Variants in AGO4 observed in about 807,000 individuals in gnomAD.
The protein encoded by AGO4 is argonaute RISC component 4.
Under a neutral mutation model 104.7 loss-of-function variants are expected in AGO4, and 33 were observed. The ratio of observed to expected loss-of-function variants is 0.32; its 90% confidence interval spans 0.24 to 0.42. The LOEUF is 0.42. Ranked by LOEUF, AGO4 falls within the 10% of genes least tolerant of loss-of-function variation. The probability of loss-of-function intolerance (pLI) is 1.00; values close to 1 mark genes in which losing one functional copy is unlikely to be tolerated. For missense variants in AGO4, 711 were observed against 1,083.4 expected (o/e 0.66, Z 4.83); for synonymous variants, 331 against 364.7 (o/e 0.91, Z 1.05).
intron 15 of AGO4, among the ~76,000 whole-genome samples, chr1:35,847,154 C>T (rs1644590810): frequency 6.6e-6 from 1 of 151,658 alleles, no homozygotes; most frequent in Non-Finnish European, 1.5e-5. Context: ...ATAAAATACA[C>T]TAACCATAGC....
At position 35,857,428 on chromosome 1, in the gene AGO4, G is replaced by A. The variant is rs1269059966; in HGVS notation, c.*3823G>A. 1 of 152,160 alleles carries A rather than the reference G, an allele frequency of 6.6e-6. No individual in the cohort carries two copies. The highest frequency in any genetic ancestry group is 1.5e-5 in the Non-Finnish European group (1 of 68,028). 9.4% of individuals were successfully genotyped at this position (152,160 alleles called of 1,614,324 possible). A position where few individuals can be genotyped will look rare whatever the true frequency, so the allele number is the denominator to read the frequency against. On this transcript the variant is annotated 3_prime_UTR_variant, in exon 18 of 18. Transcript: ENST00000373210. The stretch of plus-strand genomic sequence containing the variant: ...TTTGCATTTGTTCATTTGACTAATG[G>A]TGTGATTTTTGTTTCTATATTATTA...
chr1:35,850,991 A>C lies in AGO4; in HGVS notation c.2415A>C (p.Ala805=). The C allele has an allele frequency of 6.2e-7, 1 of 1,614,058 alleles. No individual in the cohort carries two copies. The highest frequency in any genetic ancestry group is 8.5e-7 in the Non-Finnish European group (1 of 1,180,010). ...CTRSVSIPAP[A]YYARLVAFRA... ...GCTCAGTCTCTATTCCAGCCCCTGC[A>C]TATTATGCCCGGCTTGTAGCATTTA... Residue 805 remains alanine (A), a synonymous_variant, in exon 17 of 18, where the codon GCA becomes GCC. Transcript: ENST00000373210.
chr1:35,841,449 G>A lies in AGO4; in HGVS notation c.2009G>A (p.Arg670His), dbSNP rs1231795511. The change falls in exon 14 of 18, where the codon CGT (arginine) becomes CAT (histidine). Residue 670 changes from arginine to histidine, a missense_variant. This residue lies in a region of AGO4 where 401 missense variants were observed against 665.5 expected (regional missense o/e 0.60). Transcript: ENST00000373210. The surrounding 1 kb of genome is among the most constrained non-coding windows in gnomAD (Gnocchi z 4.7). ...AAACCCACTCGGATCATCTATTACCGTGGAGGGGTATCTGAGGGACAAATG... is the reference window on the plus strand; with the variant it reads ...AAACCCACTCGGATCATCTATTACCATGGAGGGGTATCTGAGGGACAAATG... ...RFKPTRIIYY[R>H]GGVSEGQMKQ... The A allele has an allele frequency of 4.3e-6, 7 of 1,613,524 alleles. No homozygotes were observed. The highest frequency in any genetic ancestry group is 5.9e-6 in the Non-Finnish European group (7 of 1,179,484).
chr1:35,853,691 C>CCTGAA lies in AGO4; in HGVS notation c.*86_*87insCTGAA. ...TGCCTACCGCCTCTAGATCGAGCCA[C>CCTGAA]GTTGACTTCAGGTGGTCTTCTACCA... On this transcript the variant is annotated 3_prime_UTR_variant, in exon 18 of 18. Coordinates refer to ENST00000373210, the MANE Select transcript of AGO4 (RefSeq NM_017629.4). 8.9e-7 allele frequency: 1 copy of CCTGAA among 1,128,638 alleles called. No individual in the cohort carries two copies. Among genetic ancestry groups the CCTGAA allele is most frequent in the Non-Finnish European group, 1.3e-6 (1 of 766,252 alleles). The allele number at this position is 1,128,638 out of a possible 1,614,324, so 69.9% of individuals were successfully genotyped here.
In AGO4 at chr1:35,825,295, A is replaced by ATTGTGTT. The variant is rs776513240; in HGVS notation, c.307-17_307-16insTGTGTTT. On this transcript the variant is annotated splice_polypyrimidine_tract_variant and intron_variant, in intron 3 of 17. Transcript: ENST00000373210. ...ATTGTAAACATTTGTGTTTGTATTC[A>ATTGTGTT]TGTATTTTTTTCCTTAGGTTGATAT... The ATTGTGTT allele has an allele frequency of 3.1e-6, 5 of 1,608,978 alleles. No individual in the cohort carries two copies. In the South Asian group the frequency reaches 5.5e-5, roughly 18 times the overall value.
At chr1:35,825,066 T>G (rs551514903) in intron 3 of AGO4, among the ~76,000 whole-genome samples, 71 of 152,332 alleles carry the variant, frequency 4.7e-4, no homozygotes, top group African/African-American at 1.7e-3. Flanking sequence ...CTGGCTTGTT[T>G]CATTTAGCAT....
intron 1 of AGO4, among the ~76,000 whole-genome samples, chr1:35,813,829 A>G (rs1291049070): frequency 1.3e-5 from 2 of 151,886 alleles, no homozygotes; most frequent in Non-Finnish European, 2.9e-5. Context: ...GAAGAGAGAC[A>G]CTTTGGGAGG....
At chr1:35,846,079 G>A (rs1483336661) in intron 15 of AGO4, among the ~76,000 whole-genome samples, 1 of 152,170 alleles carries the variant, frequency 6.6e-6, no homozygotes, top group East Asian at 1.9e-4. Flanking sequence ...CAGGGGCATG[G>A]GAATGTTTGG....
chr1:35,829,136 T>A (rs1241069022), intron 7 of AGO4, among the ~76,000 whole-genome samples: 1 of 152,110 alleles, frequency 6.6e-6, no homozygotes, highest in Non-Finnish European at 1.5e-5. Flanking sequence ...CAGAGGGCTT[T>A]GTCTAGATAG....
intron 15 of AGO4, among the ~76,000 whole-genome samples, chr1:35,842,451 A>G (rs974509026): frequency 6.6e-6 from 1 of 152,246 alleles, no homozygotes; most frequent in Non-Finnish European, 1.5e-5. Flanking sequence ...CACTTAAACC[A>G]CAGTCAAATT....
chr1:35,826,546 G>A (rs1644024417), intron 6 of AGO4, among the ~76,000 whole-genome samples: 1 of 152,112 alleles, frequency 6.6e-6, no homozygotes, highest in African/African-American at 2.4e-5. Context: ...ATAAACTAAA[G>A]GAGATTGAGC....
At chr1:35,832,654 G>A (rs539558879) in intron 11 of AGO4, 84 bp downstream of exon 11, 11 of 1,477,976 alleles carry the variant, frequency 7.4e-6, no homozygotes, top group Non-Finnish European at 9.0e-6. Context: ...TGTGTACACT[G>A]GCACTAAATC....
chr1:35,842,595 A>G (rs1160372995), intron 15 of AGO4, among the ~76,000 whole-genome samples: 2 of 152,142 alleles, frequency 1.3e-5, no homozygotes, highest in Admixed American at 1.3e-4. Context: ...TGAGGTCAGG[A>G]GTTCGAGGCC....
rs1644444933 is a variant in AGO4, at chr1:35,841,607, G to A, written c.2041-9G>A. On this transcript the variant is annotated splice_polypyrimidine_tract_variant and intron_variant, in intron 14 of 17. Transcript: ENST00000373210. This position sits in a 1 kb window ranked among gnomAD's most constrained non-coding sequence, Gnocchi z 4.7. ...CTCAATTAAACATAATTCCATTTCT[G>A]TCTTCTAGGTAGCTTGGCCAGAACT... 6.2e-7 allele frequency: 1 copy of A among 1,613,964 alleles called. No homozygotes were observed. The highest frequency in any genetic ancestry group is 8.5e-7 in the Non-Finnish European group (1 of 1,179,956).
chr1:35,841,773 T>G lies in AGO4; in HGVS notation c.2175+23T>G. 6.2e-7 allele frequency: 1 copy of G among 1,607,108 alleles called. No homozygotes were observed. Among genetic ancestry groups the G allele is most frequent in the African/African-American group, 1.3e-5 (1 of 74,404 alleles). On this transcript the variant is annotated intron_variant, in intron 15 of 17. Coordinates refer to ENST00000373210, the MANE Select transcript of AGO4 (RefSeq NM_017629.4). The surrounding 1 kb of genome is among the most constrained non-coding windows in gnomAD (Gnocchi z 4.7). ...AGGGTAAGAAGATATAATATAAGCT[T>G]TGTTATCTGAGGCTCTGGCAAGAGA...
chr1:35,846,604 GATATATAT>G (rs72414122), intron 15 of AGO4, among the ~76,000 whole-genome samples: 64 of 140,644 alleles, frequency 4.6e-4, no homozygotes, highest in Non-Finnish European at 6.2e-5. Context: ...CTCAAAAAAA[GATATATAT>G]ATATATATAT....
At chr1:35,853,302 A>T (rs1295978642) in intron 17 of AGO4, among the ~76,000 whole-genome samples, 195 bp from the exon 18 acceptor site, 3 of 151,616 alleles carry the variant, frequency 2.0e-5, no homozygotes. Context: ...ATTTAGAAGG[A>T]CATAACAAAT....
chr1:35,833,277 CAAAAAAATAAAAAT>C (rs1644230098), intron 11 of AGO4, among the ~76,000 whole-genome samples: 1 of 148,642 alleles, frequency 6.7e-6, no homozygotes, highest in African/African-American at 2.5e-5. Context: ...GACTGCGTCT[CAAAAAAATAAAAAT>C]AAAAAAATAA....
chr1:35,810,947 C>CA lies in AGO4; in HGVS notation c.19+2513dup, dbSNP rs754814002. On this transcript the variant is annotated intron_variant, in intron 1 of 17. Coordinates refer to ENST00000373210, the MANE Select transcript of AGO4 (RefSeq NM_017629.4). The stretch of plus-strand genomic sequence containing the variant: ...AGGAGTTCGAGACCAGCCTGGCCAG[C>CA]ATGGTGAAACTCCGTCTCTACTAAA... Among the ~76,000 whole-genome samples the CA allele has an allele frequency of 3.3e-5, 5 of 151,754 alleles. No homozygotes were observed. The East Asian group carries it at 7.7e-4, about 23-fold the overall frequency.
Sources: allele counts gnomAD v4.1 joint callset (sites outside exome capture counted in the v4.1 genomes callset), GRCh38; gene constraint gnomAD v4.1.1; regional missense constraint gnomAD v4.1.1; non-coding constraint Gnocchi (gnomAD v3.1); transcripts MANE v1.5; gene names NCBI Gene and HGNC (gene_info 2026-07-23, HGNC 2026-07-21).